AP1G1: variants seen among roughly 807,000 people sequenced by gnomAD.
AP1G1 encodes adaptor related protein complex 1 subunit gamma 1, also known as AP-1 complex subunit gamma-1.
AP1G1 carries 7 observed loss-of-function variants against 108.3 expected under a neutral mutation model. The observed-to-expected ratio is 0.06, with a 90% CI of 0.04 to 0.12. The LOEUF (loss-of-function observed/expected upper bound fraction) is 0.12, where lower values mean the gene tolerates loss of function less well. Ranked by LOEUF, AP1G1 falls within the 10% of genes least tolerant of loss-of-function variation. AP1G1 has a pLI of 1.00. For missense variants in AP1G1, 756 were observed against 1,010.7 expected (o/e 0.75, Z 3.42); for synonymous variants, 379 against 353.5 (o/e 1.07, Z -0.81).
chr16:71,771,258 A>T lies in AP1G1; in HGVS notation c.469-6T>A. On this transcript the variant is annotated splice_region_variant and splice_polypyrimidine_tract_variant and intron_variant, in intron 4 of 22. Transcript: ENST00000299980. ...TGAACAGCACACAGTGCTGCCTATG[A>T]AAAAAAAAATAAAAGAACAAAAGGT... The T allele has an allele frequency of 2.1e-6, 3 of 1,452,910 alleles. No homozygotes were observed. The highest frequency in any genetic ancestry group is 1.5e-5 in the African/African-American group (1 of 68,634). 90.0% of individuals were successfully genotyped at this position (1,452,910 alleles called of 1,614,324 possible). A position where few individuals can be genotyped will look rare whatever the true frequency, so the allele number is the denominator to read the frequency against.
chr16:71,800,463 T>C (rs1203945186), intron 1 of AP1G1, among the ~76,000 whole-genome samples: 5 of 150,378 alleles, frequency 3.3e-5, no homozygotes, highest in Non-Finnish European at 7.4e-5. Flanking sequence ...GGGAGGATCA[T>C]GTGAGGTCGG....
intron 10 of AP1G1, among the ~76,000 whole-genome samples, chr16:71,759,737 G>C (rs1196852091): frequency 2.0e-5 from 3 of 151,544 alleles, no homozygotes; most frequent in Admixed American, 2.0e-4. Flanking sequence ...TCCAGCCTAG[G>C]CGACAGAGCG....
intron 21 of AP1G1, among the ~76,000 whole-genome samples, chr16:71,736,427 C>G (rs2045542350): frequency 6.7e-6 from 1 of 149,364 alleles, no homozygotes; most frequent in Non-Finnish European, 1.5e-5. Flanking sequence ...GTCGCCCAGG[C>G]TGGAGTGCAG....
chr16:71,755,959 A>G, intron 12 of AP1G1, 60 bp downstream of exon 12: 1 of 1,559,986 alleles, frequency 6.4e-7, no homozygotes, highest in Non-Finnish European at 8.7e-7. Flanking sequence ...CCCATGTTTT[A>G]AAGACACTTC....
At chr16:71,760,470 G>A (rs1436862713) in intron 10 of AP1G1, among the ~76,000 whole-genome samples, 2 of 151,648 alleles carry the variant, frequency 1.3e-5, no homozygotes, top group African/African-American at 2.4e-5. Context: ...GCTTGAACTC[G>A]GGAGGCGGAG....
intron 2 of AP1G1, among the ~76,000 whole-genome samples, chr16:71,780,656 G>C (rs1252198364): frequency 6.6e-6 from 1 of 151,932 alleles, no homozygotes; most frequent in Non-Finnish European, 1.5e-5. Flanking sequence ...TTTAGAGACA[G>C]GTCTTGCTCT....
intron 22 of AP1G1, among the ~76,000 whole-genome samples, chr16:71,733,758 C>T (rs4788551): frequency 0.35 from 52,497 of 151,928 alleles, 9,840 homozygotes; most frequent in East Asian, 0.76. Flanking sequence ...ACTCATCGTA[C>T]GCTCTCCATT....
chr16:71,796,734 T>A (rs1490153401), intron 1 of AP1G1, among the ~76,000 whole-genome samples: 2 of 152,114 alleles, frequency 1.3e-5, no homozygotes, highest in Middle Eastern at 6.3e-3. Context: ...TAAGTTCAAT[T>A]CTCCCTAAAT....
At chr16:71,733,184 A>G (rs747784229) in intron 22 of AP1G1, 25 bp from the exon 23 acceptor site, 7 of 1,548,896 alleles carry the variant, frequency 4.5e-6, no homozygotes, top group Non-Finnish European at 6.2e-6. Context: ...GAGAAGTGCA[A>G]ATTATATACT....
At chr16:71,755,925 T>C in intron 12 of AP1G1, 94 bp downstream of exon 12, 1 of 1,387,980 alleles carries the variant, frequency 7.2e-7, no homozygotes, top group Non-Finnish European at 9.9e-7. Context: ...ACTGCAGGCG[T>C]GTGCCACCGC....
At chr16:71,803,476 T>C (rs2032881206) in intron 1 of AP1G1, among the ~76,000 whole-genome samples, 1 of 152,172 alleles carries the variant, frequency 6.6e-6, no homozygotes, top group African/African-American at 2.4e-5. Context: ...TATGCTAAAG[T>C]GTTAGTTAAT....
rs184036267 is a variant in AP1G1, at chr16:71,730,513, G to T, written c.*2545C>A. The T allele has an allele frequency of 6.6e-6, 1 of 152,596 alleles. No homozygotes were observed. Among genetic ancestry groups the T allele is most frequent in the South Asian group, 2.1e-4 (1 of 4,814 alleles). 9.5% of individuals were successfully genotyped at this position (152,596 alleles called of 1,614,324 possible). Reference sequence around the variant, plus strand: ...TGCTCCCCCTTGAGTGGTTATACTCGGGAAAGGAATTATTGAAATGTGCAA... The same window carrying T: ...TGCTCCCCCTTGAGTGGTTATACTCTGGAAAGGAATTATTGAAATGTGCAA... On this transcript the variant is annotated 3_prime_UTR_variant, in exon 23 of 23. Transcript: ENST00000299980.
rs190977312 is a variant in AP1G1, at chr16:71,783,818, C to A, written c.201+5461G>T. Among the ~76,000 whole-genome samples, 127 of 152,186 alleles carry A rather than the reference C, an allele frequency of 8.3e-4. 1 individual carries two copies. Among genetic ancestry groups the A allele is most frequent in the African/African-American group, 3.0e-3 (126 of 41,522 alleles). ...AGAAGTCCAGATTTCTATGGAAATT[C>A]TTTTTTCTTTTTTATGTACTGGCAG... On this transcript the variant is annotated intron_variant, in intron 2 of 22. Transcript: ENST00000299980.
intron 1 of AP1G1, among the ~76,000 whole-genome samples, chr16:71,794,534 G>T (rs1428652321): frequency 6.6e-6 from 1 of 152,056 alleles, no homozygotes; most frequent in Non-Finnish European, 1.5e-5. Flanking sequence ...GATAAAAACA[G>T]AGGAAAAAAG....
chr16:71,793,222 T>C (rs1467595970), intron 1 of AP1G1, among the ~76,000 whole-genome samples: 1 of 152,124 alleles, frequency 6.6e-6, no homozygotes, highest in Non-Finnish European at 1.5e-5. Flanking sequence ...CTCCAACCTT[T>C]TTTTAAAAAG....
Position 71,756,007 on chromosome 16 carries a change from A to G in AP1G1, c.1229+12T>C. 6.2e-7 allele frequency: 1 copy of G among 1,605,882 alleles called. No individual in the cohort carries two copies. The highest frequency in any genetic ancestry group is 8.5e-7 in the Non-Finnish European group (1 of 1,176,982). ...GCAGACTTTACCAATAAAGGTAAAA[A>G]TTAAATCTTACTTTTCTGCAGCAAG... On this transcript the variant is annotated intron_variant, in intron 12 of 22. Coordinates refer to ENST00000299980, the MANE Select transcript of AP1G1 (RefSeq NM_001128.6).
chr16:71,765,344 T>C, intron 7 of AP1G1, 145 bp downstream of exon 7: 2 of 575,304 alleles, frequency 3.5e-6, no homozygotes, highest in Non-Finnish European at 3.1e-6. Context: ...CTTAATCTAA[T>C]ATAGAATTGT....
rs930269925 is a variant in AP1G1 at position 71,800,800 on chromosome 16, C to CA, written c.-4+7962dup. ...TGGGCAACACAGCGAGACTCCGTCT[C>CA]AAAAAAAAAAAAGAAAGAAACCCCA... On this transcript the variant is annotated intron_variant, in intron 1 of 22. Transcript: ENST00000299980. Among the ~76,000 whole-genome samples, 1,035 of 130,544 alleles carry CA rather than the reference C, an allele frequency of 7.9e-3. 12 individuals are homozygous for CA. Among genetic ancestry groups the CA allele is most frequent in the African/African-American group, 0.02 (704 of 35,368 alleles). The allele number at this position is 130,544 out of a possible 152,430, so 85.6% of individuals were successfully genotyped here. A position where few individuals can be genotyped will look rare whatever the true frequency, so the allele number is the denominator to read the frequency against.
chr16:71,749,334 T>C (rs1473696278), intron 15 of AP1G1, among the ~76,000 whole-genome samples: 2 of 151,774 alleles, frequency 1.3e-5, no homozygotes, highest in African/African-American at 4.8e-5. Context: ...AAAAGTAGAA[T>C]AAACTAGCCA....
Sources: gnomAD v4.1 joint callset for allele counts (sites outside exome capture counted in the v4.1 genomes callset) on GRCh38, gnomAD v4.1.1 for gene constraint, MANE v1.5 for transcripts, NCBI Gene and HGNC (gene_info 2026-07-23, HGNC 2026-07-21) for gene names.